The following MELK variants were observed in gnomAD, a reference collection of about 807,000 sequenced individuals.
MELK encodes the protein pEg3 kinase.
MELK carries 81 observed loss-of-function variants against 85.0 expected under a neutral mutation model. The observed-to-expected ratio is 0.95, with a 90% CI of 0.80 to 1.15. The LOEUF (loss-of-function observed/expected upper bound fraction) is 1.15, where lower values mean the gene tolerates loss of function less well. Ranked by LOEUF, MELK falls within the 50% of genes most tolerant of loss-of-function variation. The probability of loss-of-function intolerance (pLI) is 0.00; values close to 1 mark genes in which losing one functional copy is unlikely to be tolerated. For missense variants in MELK, 754 were observed against 777.5 expected, an observed-to-expected ratio of 0.97 and a Z score of 0.36; for synonymous variants, 252 against 265.0, an observed-to-expected ratio of 0.95 and a Z score of 0.48.
intron 13 of MELK, among the ~76,000 whole-genome samples, chr9:36,664,861 T>C (rs1201973341): frequency 2.6e-5 from 4 of 152,232 alleles, no homozygotes. Flanking sequence ...GGATTCATTC[T>C]CATGTTTTTA....
intron 8 of MELK, among the ~76,000 whole-genome samples, chr9:36,620,098 A>G (rs1331326865): frequency 6.6e-6 from 1 of 152,190 alleles, no homozygotes; most frequent in Non-Finnish European, 1.5e-5. Flanking sequence ...AGGGTCTTAT[A>G]GCTAGTGAGT....
At chr9:36,640,934 C>A (rs536830115) in intron 10 of MELK, among the ~76,000 whole-genome samples, 1 of 152,326 alleles carries the variant, frequency 6.6e-6, no homozygotes, top group African/African-American at 2.4e-5. Flanking sequence ...TTCTCTTGAG[C>A]TTGTTGTTAC....
chr9:36,594,099 G>T (rs1244065379), intron 4 of MELK, among the ~76,000 whole-genome samples: 1 of 152,222 alleles, frequency 6.6e-6, no homozygotes, highest in African/African-American at 2.4e-5. Context: ...CCAGCTCACA[G>T]AAAAGTGGAG....
intron 14 of MELK, among the ~76,000 whole-genome samples, chr9:36,666,606 ACTCTGGAG>A (rs1337372974): frequency 6.6e-6 from 1 of 151,924 alleles, no homozygotes; most frequent in Non-Finnish European, 1.5e-5. Flanking sequence ...ACAAACCTAA[ACTCTGGAG>A]CATTGCCATG....
At chr9:36,672,061 G>C (rs1457262680) in intron 16 of MELK, among the ~76,000 whole-genome samples, 2 of 152,158 alleles carry the variant, frequency 1.3e-5, no homozygotes, top group South Asian at 4.1e-4. Flanking sequence ...TGAGACTCTC[G>C]TAATGAGCAA....
rs757172948 is a variant in MELK at position 36,607,564 on chromosome 9, C to T, written c.568-11C>T. ...GTTTCAGTAATTTTTCTTTTTCCCTCTTTCTCTCAGGCAGATGTTTGGAGC... is the reference window on the plus strand; with the variant it reads ...GTTTCAGTAATTTTTCTTTTTCCCTTTTTCTCTCAGGCAGATGTTTGGAGC... On this transcript the variant is annotated splice_polypyrimidine_tract_variant and intron_variant, in intron 7 of 17. Transcript: ENST00000298048. 5.6e-6 allele frequency: 9 copies of T among 1,593,284 alleles called. No homozygotes were observed. Among genetic ancestry groups the T allele is most frequent in the Non-Finnish European group, 7.7e-6 (9 of 1,163,384 alleles).
intron 15 of MELK, among the ~76,000 whole-genome samples, chr9:36,670,449 T>C (rs370298113): frequency 6.6e-6 from 1 of 152,112 alleles, no homozygotes; most frequent in African/African-American, 2.4e-5. Flanking sequence ...TGGAGATGTA[T>C]ACTGAAGTGT....
At chr9:36,580,641 T>C (rs985121350) in intron 1 of MELK, among the ~76,000 whole-genome samples, 9 of 151,066 alleles carry the variant, frequency 6.0e-5, no homozygotes, top group Non-Finnish European at 1.2e-4. Flanking sequence ...TTTTAAATTA[T>C]TTTTTCTTCA....
chr9:36,622,081 A>G (rs1369225476), intron 8 of MELK, among the ~76,000 whole-genome samples: 1 of 152,158 alleles, frequency 6.6e-6, no homozygotes, highest in East Asian at 1.9e-4. Context: ...AATTAATAGT[A>G]TTTACTAATA....
intron 12 of MELK, 69 bp from the exon 13 acceptor site, chr9:36,657,172 C>T (rs1179847171): frequency 7.3e-6 from 11 of 1,497,098 alleles, no homozygotes; most frequent in African/African-American, 2.8e-5. Flanking sequence ...TTAAGTGACG[C>T]GTGACTGTAT....
chr9:36,648,214 AGGG>A (rs1331744623), intron 11 of MELK, among the ~76,000 whole-genome samples: 1 of 152,170 alleles, frequency 6.6e-6, no homozygotes, highest in Non-Finnish European at 1.5e-5. Flanking sequence ...GCAGAATAAA[AGGG>A]GAGACAAAGG....
chr9:36,607,528 T>C, intron 7 of MELK, 47 bp from the exon 8 acceptor site: 1 of 1,361,732 alleles, frequency 7.3e-7, no homozygotes, highest in Non-Finnish European at 1.0e-6. Flanking sequence ...CTGAAATATG[T>C]TTGAATTTTT....
intron 1 of MELK, among the ~76,000 whole-genome samples, chr9:36,577,483 T>C (rs916136895): frequency 3.3e-5 from 5 of 151,404 alleles, no homozygotes; most frequent in Non-Finnish European, 4.4e-5. Context: ...ACTACTGCAC[T>C]GCAGCCTGGG....
chr9:36,623,952 C>A lies in MELK; in HGVS notation c.667-6347C>A, dbSNP rs75987328. Among the ~76,000 whole-genome samples, 1,403 of 152,300 alleles carry A rather than the reference C, an allele frequency of 9.2e-3. 21 individuals carry two copies. Among genetic ancestry groups the A allele is most frequent in the Middle Eastern group, 0.065 (19 of 294 alleles). On this transcript the variant is annotated intron_variant, in intron 8 of 17. Transcript: ENST00000298048. Reference sequence around the variant, plus strand: ...ATAATAATAATGGTAGTAATAGTATCAGCAGCAGCAGTCGAAGCTAACATT... The same window carrying A: ...ATAATAATAATGGTAGTAATAGTATAAGCAGCAGCAGTCGAAGCTAACATT...
At chr9:36,627,931 C>G (rs746532475) in intron 8 of MELK, among the ~76,000 whole-genome samples, 11 of 145,852 alleles carry the variant, frequency 7.5e-5, no homozygotes, top group Non-Finnish European at 1.7e-4. Flanking sequence ...GACGGAGTTT[C>G]ACTCTTGTTG....
At chr9:36,589,437 G>A (rs1823299691) in intron 3 of MELK, 99 bp from the exon 4 acceptor site, 5 of 940,110 alleles carry the variant, frequency 5.3e-6, no homozygotes, top group South Asian at 2.9e-5. Context: ...GTGAGCCACC[G>A]TGCCCGGCCA....
At chr9:36,578,210 G>A (rs749185309) in intron 1 of MELK, among the ~76,000 whole-genome samples, 7 of 150,102 alleles carry the variant, frequency 4.7e-5, no homozygotes, top group Non-Finnish European at 8.9e-5. Flanking sequence ...AACTGTTACT[G>A]ATTTTGTATG....
intron 1 of MELK, among the ~76,000 whole-genome samples, chr9:36,579,037 A>AT (rs1329234789): frequency 7.5e-6 from 1 of 133,350 alleles, no homozygotes; most frequent in Non-Finnish European, 1.6e-5. Flanking sequence ...TTATTTATTT[A>AT]TTTTTGTGAG....
At position 36,677,451 on chromosome 9, in the gene MELK, G is replaced by A; in HGVS notation, c.*114G>A. 1.0e-6 allele frequency: 1 copy of A among 983,048 alleles called. No individual in the cohort carries two copies. Among genetic ancestry groups the A allele is most frequent in the Non-Finnish European group, 1.4e-6 (1 of 704,814 alleles). 60.9% of individuals were successfully genotyped at this position (983,048 alleles called of 1,614,324 possible). A position where few individuals can be genotyped will look rare whatever the true frequency, so the allele number is the denominator to read the frequency against. On this transcript the variant is annotated 3_prime_UTR_variant, in exon 18 of 18. Coordinates refer to ENST00000298048, the MANE Select transcript of MELK (RefSeq NM_014791.4). ...TTGGAACTACCAACTTGTTTCTAAA[G>A]AGCTATCTTAAGACCAATATCTCTT... is the stretch of plus-strand genomic sequence containing the variant.
Sources: allele counts gnomAD v4.1 joint callset (sites outside exome capture counted in the v4.1 genomes callset), GRCh38; gene constraint gnomAD v4.1.1; transcripts MANE v1.5; gene names NCBI Gene and HGNC (gene_info 2026-07-23, HGNC 2026-07-21).